The following WSCD2 variants were observed in gnomAD, a reference collection of about 807,000 sequenced individuals.
WSCD2 encodes the protein sialate:O-sulfotransferase 2.
WSCD2 carries 28 observed loss-of-function variants against 55.7 expected under a neutral mutation model. The observed-to-expected ratio is 0.50, with a 90% CI of 0.37 to 0.69. The LOEUF (loss-of-function observed/expected upper bound fraction) is 0.69, where lower values mean the gene tolerates loss of function less well. Ranked by LOEUF, WSCD2 falls within the 30% of genes least tolerant of loss-of-function variation. The pLI is 0.00. For synonymous variants in WSCD2, 301 were observed against 301.9 expected, an observed-to-expected ratio of 1.00 and a Z score of 0.03; for missense variants, 616 against 762.1, an observed-to-expected ratio of 0.81 and a Z score of 2.26.
chr12:108,220,276 G>C (rs1321427022), intron 4 of WSCD2, among the ~76,000 whole-genome samples: 1 of 152,178 alleles, frequency 6.6e-6, no homozygotes, highest in Admixed American at 6.5e-5. Context: ...CATTGGATAA[G>C]ATATATCAAG....
At chr12:108,142,190 G>C (rs557149193) in intron 1 of WSCD2, among the ~76,000 whole-genome samples, 1 of 152,166 alleles carries the variant, frequency 6.6e-6, no homozygotes, top group South Asian at 2.1e-4. Context: ...ACTAATCCCA[G>C]CTGTGTTTTG....
chr12:108,240,735 A>AC lies in WSCD2; in HGVS notation c.1345+197dup, dbSNP rs1488215274. Among the ~76,000 whole-genome samples, 7 of 151,542 alleles carry AC rather than the reference A, an allele frequency of 4.6e-5. No homozygotes were observed. In the South Asian group the frequency reaches 1.5e-3, roughly 32 times the overall value. On this transcript the variant is annotated intron_variant, in intron 8 of 8. Coordinates refer to ENST00000547525, the MANE Select transcript of WSCD2 (RefSeq NM_014653.4). ...TCCAGTAGAGTAGGTGCCTCCCACA[A>AC]CCCCCCACCTCCCACAAGCAGCACC...
intron 1 of WSCD2, among the ~76,000 whole-genome samples, chr12:108,149,527 G>C (rs1057283895): frequency 2.0e-5 from 3 of 152,184 alleles, no homozygotes; most frequent in African/African-American, 7.2e-5. Context: ...AAGTCCTGTT[G>C]AGGGCCCACT....
In WSCD2 at chr12:108,210,392, A is replaced by G; in HGVS notation, c.682+87A>G. The G allele has an allele frequency of 6.8e-7, 1 of 1,467,596 alleles. No homozygotes were observed. The highest frequency in any genetic ancestry group is 9.1e-7 in the Non-Finnish European group (1 of 1,104,970). The allele number at this position is 1,467,596 out of a possible 1,614,324, so 90.9% of individuals were successfully genotyped here. On this transcript the variant is annotated intron_variant, in intron 4 of 8. Coordinates refer to ENST00000547525, the MANE Select transcript of WSCD2 (RefSeq NM_014653.4). This position sits in a 1 kb window ranked among gnomAD's most constrained non-coding sequence, Gnocchi z 4.3. ...AAAGAGTCCCACATGTCTGCCCTGTACCCTCCATGGCTCCCCATCACTCCA... is the reference window on the plus strand; with the variant it reads ...AAAGAGTCCCACATGTCTGCCCTGTGCCCTCCATGGCTCCCCATCACTCCA...
At chr12:108,227,293 T>C (rs1371986106) in intron 6 of WSCD2, 129 bp downstream of exon 6, 3 of 1,116,572 alleles carry the variant, frequency 2.7e-6, no homozygotes, top group Non-Finnish European at 3.7e-6. Flanking sequence ...AGGGCAGGGC[T>C]GATGAACTCC....
Position 108,206,370 on chromosome 12 carries a change from C to A in WSCD2, c.464C>A (p.Thr155Asn). 6.2e-7 allele frequency: 1 copy of A among 1,614,196 alleles called. No homozygotes were observed. The change falls in exon 3 of 9, where the codon ACC (threonine) becomes AAC (asparagine). Residue 155 changes from threonine (T) to asparagine (N), a missense_variant. Thr to Asn is a moderately conservative substitution (Grantham distance 65). Coordinates refer to ENST00000547525, the MANE Select transcript of WSCD2 (RefSeq NM_014653.4). ...GVSFFDYKKM[T>N]IFRCQDNCAE... is the part of the protein sequence containing the mutation. ...TCCTTTTTTGACTACAAAAAGATGA[C>A]CATCTTCCGTTGCCAGGACAACTGT... is the stretch of plus-strand genomic sequence containing the variant.
chr12:108,194,688 T>C (rs1294044628), intron 1 of WSCD2, among the ~76,000 whole-genome samples: 1 of 152,190 alleles, frequency 6.6e-6, no homozygotes, highest in Non-Finnish European at 1.5e-5. Flanking sequence ...TTTTTCCTTT[T>C]CCTTCTTGGA....
intron 7 of WSCD2, among the ~76,000 whole-genome samples, chr12:108,234,327 AG>A (rs1376351439): frequency 2.0e-5 from 3 of 152,150 alleles, no homozygotes; most frequent in African/African-American, 7.2e-5. Context: ...AGGGAGAGCC[AG>A]GGGGCATGTC....
chr12:108,153,101 T>TCAAACAAACAAACAAACAAA (rs111444949), intron 1 of WSCD2, among the ~76,000 whole-genome samples: 24 of 150,644 alleles, frequency 1.6e-4, no homozygotes, highest in South Asian at 2.1e-4. Flanking sequence ...AGACTCTGTC[T>TCAAACAAACAAACAAACAAA]CAAACAAACA....
intron 2 of WSCD2, chr12:108,196,826 T>C (rs762838850): frequency 1.3e-5 from 2 of 152,448 alleles, no homozygotes; most frequent in African/African-American, 4.8e-5. Context: ...CTAAAAAGGC[T>C]TTTGTTCATG....
rs541347735 is a variant in WSCD2, at chr12:108,203,736, G to A, written c.383-2553G>A. Reference sequence around the variant, plus strand: ...ATGATCCACTGTTCCATAGGTAGCCGAATGTGCCTATCCTTACCCTAAGGT... The same window carrying A: ...ATGATCCACTGTTCCATAGGTAGCCAAATGTGCCTATCCTTACCCTAAGGT... On this transcript the variant is annotated intron_variant, in intron 2 of 8. Transcript: ENST00000547525. Among the ~76,000 whole-genome samples the A allele has an allele frequency of 2.6e-4, 40 of 152,286 alleles. No homozygotes were observed. In the South Asian group the frequency reaches 6.2e-3, roughly 24 times the overall value.
chr12:108,176,318 A>G lies in WSCD2; in HGVS notation c.-551-18964A>G, dbSNP rs181958137. 1.2e-3 allele frequency among the ~76,000 whole-genome samples: 186 copies of G among 152,246 alleles called. 1 individual carries two copies. Among genetic ancestry groups the G allele is most frequent in the African/African-American group, 4.3e-3 (179 of 41,536 alleles). ...ATTCCTCTTTGCCCCTCTGTGGTCA[A>G]TCCCTCTTTCATCTCTCGCCCCTGA... On this transcript the variant is annotated intron_variant, in intron 1 of 8. Coordinates refer to ENST00000547525, the MANE Select transcript of WSCD2 (RefSeq NM_014653.4).
chr12:108,248,228 A>G lies in WSCD2; in HGVS notation c.1583A>G (p.Tyr528Cys), dbSNP rs533281920. 3.1e-6 allele frequency: 5 copies of G among 1,614,110 alleles called. No homozygotes were observed. The highest frequency in any genetic ancestry group is 4.2e-6 in the Non-Finnish European group (5 of 1,180,044). Residue 528 changes from tyrosine to cysteine, a missense_variant, in exon 9 of 9, where the codon TAT becomes TGT. Coordinates refer to ENST00000547525, the MANE Select transcript of WSCD2 (RefSeq NM_014653.4). The surrounding 1 kb of genome is among the most constrained non-coding windows in gnomAD (Gnocchi z 4.3). ...CGCTCAGGGCTCCGGAAGCTCGAGT[A>G]TGACCCCTATACTGCGGACATGCAG... is the stretch of plus-strand genomic sequence containing the variant. Reference protein sequence around the residue: ...FKRSGLRKLEYDPYTADMQKT... With the variant: ...FKRSGLRKLECDPYTADMQKT...
At position 108,195,959 on chromosome 12, in the gene WSCD2, C is replaced by T. The variant is rs759045465; in HGVS notation, c.127C>T (p.Pro43Ser). Residue 43 changes from proline to serine, a missense_variant, in exon 2 of 9, where the codon CCC becomes TCC. Coordinates refer to ENST00000547525, the MANE Select transcript of WSCD2 (RefSeq NM_014653.4). ...VFLHSGFVGQ[P>S]AVSGNQANPA... ...CCTTCACTCTGGCTTTGTGGGCCAG[C>T]CCGCTGTCTCGGGGAACCAGGCGAA... 6.2e-7 allele frequency: 1 copy of T among 1,614,094 alleles called. No homozygotes were observed. The highest frequency in any genetic ancestry group is 1.3e-5 in the African/African-American group (1 of 74,940).
intron 4 of WSCD2, among the ~76,000 whole-genome samples, chr12:108,211,630 C>CATATATATATATATATATGTACAT (rs1886161315): frequency 7.2e-6 from 1 of 138,552 alleles, no homozygotes; most frequent in Admixed American, 7.3e-5. Context: ...TTTCAAATCC[C>CATATATATATATATATATGTACAT]ATATATATAT....
At chr12:108,138,120 T>C (rs1876411241) in intron 1 of WSCD2, among the ~76,000 whole-genome samples, 1 of 152,206 alleles carries the variant, frequency 6.6e-6, no homozygotes, top group South Asian at 2.1e-4. Flanking sequence ...ACATTTGCTT[T>C]CAACTTCTAT....
At chr12:108,184,716 T>G (rs1434646368) in intron 1 of WSCD2, among the ~76,000 whole-genome samples, 1 of 152,214 alleles carries the variant, frequency 6.6e-6, no homozygotes, top group Non-Finnish European at 1.5e-5. Flanking sequence ...ACTCTAGGAT[T>G]CTATGGTATC....
At chr12:108,142,753 CTCTT>C (rs1876967103) in intron 1 of WSCD2, among the ~76,000 whole-genome samples, 1 of 152,146 alleles carries the variant, frequency 6.6e-6, no homozygotes, top group African/African-American at 2.4e-5. Flanking sequence ...TTACAGGTCT[CTCTT>C]TCTGGTCACC....
chr12:108,160,766 T>C (rs755370240), intron 1 of WSCD2, among the ~76,000 whole-genome samples: 1 of 152,236 alleles, frequency 6.6e-6, no homozygotes, highest in Non-Finnish European at 1.5e-5. Context: ...TACTGTATTA[T>C]ATTATGCTAT....
Sources: allele counts gnomAD v4.1 joint callset (sites outside exome capture counted in the v4.1 genomes callset), GRCh38; gene constraint gnomAD v4.1.1; non-coding constraint Gnocchi (gnomAD v3.1); transcripts MANE v1.5; gene names NCBI Gene and HGNC (gene_info 2026-07-23, HGNC 2026-07-21).